Variants in USP8 observed in about 807,000 individuals in gnomAD.
USP8 encodes ubiquitin specific peptidase 8.
Under a neutral mutation model 130.0 loss-of-function variants are expected in USP8, and 27 were observed. That is an observed-to-expected ratio of 0.21 (90% CI 0.15 to 0.29). USP8 has a LOEUF of 0.29. USP8 is among the 10% of genes least tolerant of loss of function. The probability of loss-of-function intolerance (pLI) is 1.00; values close to 1 mark genes in which losing one functional copy is unlikely to be tolerated. For synonymous variants in USP8, 392 were observed against 444.1 expected, an observed-to-expected ratio of 0.88 and a Z score of 1.48; for missense variants, 1,029 against 1,312.2, an observed-to-expected ratio of 0.78 and a Z score of 3.33.
At chr15:50,477,590 A>C in intron 10 of USP8, 91 bp downstream of exon 10, 2 of 1,244,266 alleles carry the variant, frequency 1.6e-6, no homozygotes, top group East Asian at 5.1e-5. Context: ...CTGTAATCCC[A>C]GCACTTTGGG....
intron 8 of USP8, among the ~76,000 whole-genome samples, chr15:50,476,146 AATAGGCCATGTGCAG>A (rs2051559831): frequency 6.6e-6 from 1 of 152,166 alleles, no homozygotes; most frequent in African/African-American, 2.4e-5. Context: ...TATAAAGTAG[AATAGGCCATGTGCAG>A]CGGCTCACGC....
chr15:50,480,038 G>A (rs1465629086), intron 10 of USP8, among the ~76,000 whole-genome samples: 1 of 152,146 alleles, frequency 6.6e-6, no homozygotes, highest in African/African-American at 2.4e-5. Context: ...TGGTATTACA[G>A]GCGTGAGTCA....
chr15:50,493,885 A>G (rs774496356), intron 15 of USP8, 185 bp from the exon 16 acceptor site: 1 of 776,518 alleles, frequency 1.3e-6, no homozygotes, highest in South Asian at 1.4e-5. Context: ...AAAAGAAGGA[A>G]GCTGAAGGGA....
chr15:50,430,167 G>A (rs2049885217), intron 1 of USP8, among the ~76,000 whole-genome samples: 1 of 152,086 alleles, frequency 6.6e-6, no homozygotes, highest in African/African-American at 2.4e-5. Flanking sequence ...GTGTATAGTA[G>A]GTATCTATTG....
At position 50,505,130 on chromosome 15, in the gene USP8, C is replaced by T. The variant is rs1437349408; in HGVS notation, c.*6042C>T. 1 of 151,830 alleles carries T rather than the reference C, an allele frequency of 6.6e-6. No individual in the cohort carries two copies. The highest frequency in any genetic ancestry group is 1.5e-5 in the Non-Finnish European group (1 of 67,992). 9.4% of individuals were successfully genotyped at this position (151,830 alleles called of 1,614,324 possible). On this transcript the variant is annotated 3_prime_UTR_variant, in exon 20 of 20. Coordinates refer to ENST00000307179, the MANE Select transcript of USP8 (RefSeq NM_005154.5). ...TGTAGAAGTTCTAGGAGGAGAGAAT[C>T]GAGTAGGGGAGCAAGGCAATATTAA...
chr15:50,502,010 C>T lies in USP8; in HGVS notation c.*2922C>T, dbSNP rs1487593205. 1 of 152,164 alleles carries T rather than the reference C, an allele frequency of 6.6e-6. No individual in the cohort carries two copies. The highest frequency in any genetic ancestry group is 1.5e-5 in the Non-Finnish European group (1 of 68,044). The allele number at this position is 152,164 out of a possible 1,614,324, so 9.4% of individuals were successfully genotyped here. On this transcript the variant is annotated 3_prime_UTR_variant, in exon 20 of 20. Coordinates refer to ENST00000307179, the MANE Select transcript of USP8 (RefSeq NM_005154.5). ...TAAAACTGAATAGTTGCAGCCAATA[C>T]CATATGGCTTATGAGGCCTAAAATA... is the stretch of plus-strand genomic sequence containing the variant.
chr15:50,480,717 C>A (rs1347266917), intron 10 of USP8, among the ~76,000 whole-genome samples: 1 of 151,690 alleles, frequency 6.6e-6, no homozygotes, highest in Non-Finnish European at 1.5e-5. Flanking sequence ...CAGGGCATTA[C>A]AGACTATGGT....
Position 50,513,518 on chromosome 15 carries a change from T to TAAAAAAAAAAAAAA in USP8, c.*14437_*14450dup. 1 of 85,980 alleles carries TAAAAAAAAAAAAAA rather than the reference T, an allele frequency of 1.2e-5. No homozygotes were observed. The highest frequency in any genetic ancestry group is 2.3e-5 in the Non-Finnish European group (1 of 42,744). The allele number at this position is 85,980 out of a possible 1,614,324, so 5.3% of individuals were successfully genotyped here. The stretch of plus-strand genomic sequence containing the variant: ...AGTTCGAGACAAGAGCGAAACTGTC[T>TAAAAAAAAAAAAAA]AAAAAAAAAAAAAAAAAAAAGAGTG... On this transcript the variant is annotated 3_prime_UTR_variant, in exon 20 of 20. Transcript: ENST00000307179.
chr15:50,435,244 A>G (rs2050059909), intron 1 of USP8, among the ~76,000 whole-genome samples: 1 of 152,218 alleles, frequency 6.6e-6, no homozygotes, highest in African/African-American at 2.4e-5. Context: ...AGCCTTCTGT[A>G]TCTGTGAATT....
chr15:50,475,224 C>G (rs1018265166), intron 8 of USP8, among the ~76,000 whole-genome samples: 1 of 152,074 alleles, frequency 6.6e-6, no homozygotes, highest in African/African-American at 2.4e-5. Flanking sequence ...AGAGTACATT[C>G]ACTGTTTACT....
At chr15:50,492,564 A>G in intron 14 of USP8, 137 bp from the exon 15 acceptor site, 2 of 814,104 alleles carry the variant, frequency 2.5e-6, no homozygotes, top group Non-Finnish European at 1.9e-6. Flanking sequence ...AAGGCCCAGC[A>G]TCTTATGAGT....
chr15:50,430,628 C>T (rs1036697526), intron 1 of USP8, among the ~76,000 whole-genome samples: 1 of 151,834 alleles, frequency 6.6e-6, no homozygotes, highest in Admixed American at 6.6e-5. Context: ...AGCAGTTCAC[C>T]AAATCCTAGA....
rs1269278536 is a variant in USP8, at chr15:50,505,216, G to A, written c.*6128G>A. The A allele has an allele frequency of 1.3e-5, 2 of 151,992 alleles. No individual in the cohort carries two copies. The highest frequency in any genetic ancestry group is 6.6e-5 in the Admixed American group (1 of 15,242). The allele number at this position is 151,992 out of a possible 1,614,324, so 9.4% of individuals were successfully genotyped here. On this transcript the variant is annotated 3_prime_UTR_variant, in exon 20 of 20. Transcript: ENST00000307179. The stretch of plus-strand genomic sequence containing the variant: ...AATCTTCACATTTAGGAAATGCAGC[G>A]AGCCAGGGATAAATAAAAATAATAC...
intron 4 of USP8, chr15:50,458,523 T>C (rs2050869580): frequency 6.1e-6 from 1 of 164,410 alleles, no homozygotes; most frequent in South Asian, 1.5e-4. Flanking sequence ...GCTGTTTAAC[T>C]GCCAACAAGT....
Position 50,482,041 on chromosome 15 carries a change from G to T in USP8, c.1779G>T (p.Val593=). ...CAGGAGATGTGCCCCATACATCTGT[G>T]ACAGGGGATTCAGGTTCAGGCAAGG... The part of the protein sequence containing the change: ...KSTGDVPHTS[V]TGDSGSGKPF... The change falls in exon 11 of 20, where the codon GTG becomes GTT. Residue 593 remains valine, a synonymous_variant. Coordinates refer to ENST00000307179, the MANE Select transcript of USP8 (RefSeq NM_005154.5). The T allele has an allele frequency of 6.6e-7, 1 of 1,515,780 alleles. No homozygotes were observed. The allele number at this position is 1,515,780 out of a possible 1,614,324, so 93.9% of individuals were successfully genotyped here.
intron 15 of USP8, chr15:50,493,818 T>G: frequency 1.6e-6 from 1 of 627,208 alleles, no homozygotes; most frequent in Non-Finnish European, 2.9e-6. Flanking sequence ...AGGCAGAACC[T>G]CGCTGTCATG....
intron 4 of USP8, among the ~76,000 whole-genome samples, chr15:50,454,319 T>C (rs1441428981): frequency 6.6e-6 from 1 of 152,242 alleles, no homozygotes; most frequent in African/African-American, 2.4e-5. Context: ...TTTATTTTCT[T>C]GCTGGAACTC....
At position 50,509,132 on chromosome 15, in the gene USP8, CAAAAAAAAAAAAAAAAA is replaced by C. The variant is rs57125859; in HGVS notation, c.*10057_*10073del. 2.9e-4 allele frequency: 12 copies of C among 41,368 alleles called. No individual in the cohort carries two copies. Among genetic ancestry groups the C allele is most frequent in the African/African-American group, 1.0e-3 (11 of 10,516 alleles). 2.6% of individuals were successfully genotyped at this position (41,368 alleles called of 1,614,324 possible). A position where few individuals can be genotyped will look rare whatever the true frequency, so the allele number is the denominator to read the frequency against. On this transcript the variant is annotated 3_prime_UTR_variant, in exon 20 of 20. Coordinates refer to ENST00000307179, the MANE Select transcript of USP8 (RefSeq NM_005154.5). ...TGGGCGACAGAGCGAGACTCCGTCA[CAAAAAAAAAAAAAAAAA>C]AAAAAAAAAAAATTACAAAATTAGC...
chr15:50,438,701 A>G (rs1161224991), intron 1 of USP8, among the ~76,000 whole-genome samples: 4 of 152,222 alleles, frequency 2.6e-5, no homozygotes, highest in African/African-American at 4.8e-5. Context: ...CATTAATGCT[A>G]TTTTAACAAA....
Sources: allele counts gnomAD v4.1 joint callset (sites outside exome capture counted in the v4.1 genomes callset), GRCh38; gene constraint gnomAD v4.1.1; transcripts MANE v1.5; gene names NCBI Gene and HGNC (gene_info 2026-07-23, HGNC 2026-07-21).